TMEM192: variants seen among roughly 807,000 people sequenced by gnomAD.
TMEM192 encodes transmembrane protein 192.
TMEM192 carries 20 observed loss-of-function variants against 26.7 expected under a neutral mutation model. That is an observed-to-expected ratio of 0.75 (90% CI 0.53 to 1.09). The LOEUF (loss-of-function observed/expected upper bound fraction) is 1.09. Among genes scored for constraint, TMEM192 ranks in the 50% least tolerant of loss-of-function variants. The pLI is 0.00. For missense variants in TMEM192, 304 were observed against 322.6 expected (o/e 0.94, Z 0.44); for synonymous variants, 124 against 121.0 (o/e 1.02, Z -0.16).
At chr4:165,091,735 A>T (rs1734768932) in intron 3 of TMEM192, among the ~76,000 whole-genome samples, 1 of 152,206 alleles carries the variant, frequency 6.6e-6, no homozygotes, top group African/African-American at 2.4e-5. Context: ...ACTATATAAA[A>T]ACCTGGACTT....
chr4:165,102,985 T>C lies in TMEM192; in HGVS notation c.139A>G (p.Thr47Ala), dbSNP rs1423311295. The C allele has an allele frequency of 6.2e-7, 1 of 1,613,144 alleles. No individual in the cohort carries two copies. The highest frequency in any genetic ancestry group is 8.5e-7 in the Non-Finnish European group (1 of 1,179,558). The change falls in exon 2 of 6, where the codon ACA becomes GCA. Residue 47 changes from threonine to alanine, a missense_variant. Thr to Ala is a moderately conservative substitution (Grantham distance 58). Transcript: ENST00000306480. ...CACAGAAGATTCACTATGATGACTG[T>C]AGGAAGAGGATGGAATCGGGGTCTA... Reference protein sequence around the residue: ...HFRPRFHPLPTVIIVNLLWFI... With the variant: ...HFRPRFHPLPAVIIVNLLWFI...
chr4:165,112,724 G>A (rs1172766423), intron 1 of TMEM192, 23 bp downstream of exon 1: 4 of 1,608,398 alleles, frequency 2.5e-6, no homozygotes, highest in Non-Finnish European at 3.4e-6. Flanking sequence ...GGGGCCAACC[G>A]CCCGCCGCCT....
In TMEM192 at chr4:165,077,503, T is replaced by G. The variant is rs934724793; in HGVS notation, c.*2155A>C. On this transcript the variant is annotated 3_prime_UTR_variant, in exon 6 of 6. Transcript: ENST00000306480. ...GGCTCATGCCTGTAATCCCAACACT[T>G]TGGGAGGCCAAGGAGGGCGGATCAA... The G allele has an allele frequency of 2.4e-4, 37 of 152,204 alleles. No individual in the cohort carries two copies. Among genetic ancestry groups the G allele is most frequent in the African/African-American group, 8.7e-4 (36 of 41,506 alleles). 9.4% of individuals were successfully genotyped at this position (152,204 alleles called of 1,614,324 possible). A position where few individuals can be genotyped will look rare whatever the true frequency, so the allele number is the denominator to read the frequency against.
At chr4:165,098,145 AC>A (rs1348407245) in intron 3 of TMEM192, among the ~76,000 whole-genome samples, 1 of 149,364 alleles carries the variant, frequency 6.7e-6, no homozygotes, top group Non-Finnish European at 1.5e-5. Flanking sequence ...TTTTTTTTAG[AC>A]AGAGTTTCGC....
In TMEM192 at chr4:165,100,659, G is replaced by C. The variant is rs6536890; in HGVS notation, c.408C>G (p.Leu136=). The stretch of plus-strand genomic sequence containing the variant: ...ACTGTATCATCAACGCAAGTCTCTT[G>C]AGATGCCTTGTTGATCGGTAGATCA... ...YNLIYRSTRH[L]KRLALMIQSS... The change falls in exon 3 of 6, where the codon CTC becomes CTG. Residue 136 remains leucine, a synonymous_variant. Coordinates refer to ENST00000306480, the MANE Select transcript of TMEM192 (RefSeq NM_001100389.2). 0.24 allele frequency: 394,302 copies of C among 1,613,644 alleles called. 53,232 individuals are homozygous for C. The highest frequency in any genetic ancestry group is 0.57 in the African/African-American group (42,912 of 74,904).
chr4:165,106,109 T>C (rs1020210295), intron 1 of TMEM192, among the ~76,000 whole-genome samples: 1 of 152,214 alleles, frequency 6.6e-6, no homozygotes, highest in Non-Finnish European at 1.5e-5. Context: ...CTGTGGTCAA[T>C]ACATTTCTAT....
At chr4:165,087,909 TTTG>T (rs1560927682) in intron 4 of TMEM192, among the ~76,000 whole-genome samples, 1 of 152,220 alleles carries the variant, frequency 6.6e-6, no homozygotes, top group African/African-American at 2.4e-5. Context: ...TGTGGATGTT[TTTG>T]TTGTTGTTGT....
rs576322008 is a variant in TMEM192, at chr4:165,078,194, T to C, written c.*1464A>G. 3.9e-5 allele frequency: 6 copies of C among 152,312 alleles called. No individual in the cohort carries two copies. The highest frequency in any genetic ancestry group is 7.2e-5 in the African/African-American group (3 of 41,570). The allele number at this position is 152,312 out of a possible 1,614,324, so 9.4% of individuals were successfully genotyped here. A position where few individuals can be genotyped will look rare whatever the true frequency, so the allele number is the denominator to read the frequency against. ...CAAATCAATATATCCCTTGCCTATA[T>C]AGTTATATCGAACACATCCCTATAT... is the stretch of plus-strand genomic sequence containing the variant. On this transcript the variant is annotated 3_prime_UTR_variant, in exon 6 of 6. Transcript: ENST00000306480.
chr4:165,074,590 G>A lies in TMEM192; in HGVS notation c.*5068C>T, dbSNP rs1369501913. ...GCCTCCTGAGTAGCTGGGATTACAGGTGCACTTCACTGCACCTGGCTATTT... is the reference window on the plus strand; with the variant it reads ...GCCTCCTGAGTAGCTGGGATTACAGATGCACTTCACTGCACCTGGCTATTT... On this transcript the variant is annotated 3_prime_UTR_variant, in exon 6 of 6. Coordinates refer to ENST00000306480, the MANE Select transcript of TMEM192 (RefSeq NM_001100389.2). 2.6e-5 allele frequency: 4 copies of A among 152,168 alleles called. No individual in the cohort carries two copies. Among genetic ancestry groups the A allele is most frequent in the African/African-American group, 4.8e-5 (2 of 41,386 alleles). 9.4% of individuals were successfully genotyped at this position (152,168 alleles called of 1,614,324 possible). A position where few individuals can be genotyped will look rare whatever the true frequency, so the allele number is the denominator to read the frequency against.
intron 3 of TMEM192, among the ~76,000 whole-genome samples, chr4:165,098,093 T>C (rs764950827): frequency 1.3e-5 from 2 of 151,774 alleles, no homozygotes; most frequent in Non-Finnish European, 2.9e-5. Flanking sequence ...AGTGCTGAGA[T>C]GCTAGCATTA....
chr4:165,091,299 G>A (rs959540403), intron 3 of TMEM192, among the ~76,000 whole-genome samples: 14 of 152,062 alleles, frequency 9.2e-5, no homozygotes, highest in Non-Finnish European at 4.4e-5. Flanking sequence ...GGGAAGCATG[G>A]TCTTTCAATT....
intron 3 of TMEM192, among the ~76,000 whole-genome samples, chr4:165,090,662 T>C (rs942292204): frequency 3.3e-5 from 5 of 151,948 alleles, no homozygotes; most frequent in Admixed American, 2.0e-4. Flanking sequence ...CCCAACACTT[T>C]GGGAGGCTGA....
chr4:165,085,232 C>A (rs1472076326), intron 5 of TMEM192, among the ~76,000 whole-genome samples: 1 of 149,028 alleles, frequency 6.7e-6, no homozygotes, highest in African/African-American at 2.5e-5. Flanking sequence ...AAGATCATGC[C>A]ACTGCACTCC....
At chr4:165,100,457 C>T (rs1471211098) in intron 3 of TMEM192, among the ~76,000 whole-genome samples, 171 bp downstream of exon 3, 2 of 152,102 alleles carry the variant, frequency 1.3e-5, no homozygotes, top group Non-Finnish European at 1.5e-5. Context: ...CGCACCCGGC[C>T]AAGAAAAGCT....
intron 1 of TMEM192, among the ~76,000 whole-genome samples, chr4:165,111,093 T>C (rs1330547081): frequency 6.6e-6 from 1 of 152,218 alleles, no homozygotes; most frequent in African/African-American, 2.4e-5. Context: ...AATTAATTTT[T>C]ATTTATTTTT....
chr4:165,086,009 A>C (rs1050965126), intron 4 of TMEM192, among the ~76,000 whole-genome samples: 3 of 152,214 alleles, frequency 2.0e-5, no homozygotes, highest in African/African-American at 7.2e-5. Context: ...GAAGTTGAGC[A>C]ACCAGCCAGC....
At chr4:165,103,332 G>C (rs1183823384) in intron 1 of TMEM192, among the ~76,000 whole-genome samples, 2 of 151,714 alleles carry the variant, frequency 1.3e-5, no homozygotes, top group Non-Finnish European at 2.9e-5. Context: ...GCCCAGGCTG[G>C]TCTTGTTTGT....
In TMEM192 at chr4:165,074,578, C is replaced by G. The variant is rs139564155; in HGVS notation, c.*5080G>C. 8,097 of 152,212 alleles carry G rather than the reference C, an allele frequency of 0.053. 308 individuals carry two copies. Among genetic ancestry groups the G allele is most frequent in the Non-Finnish European group, 0.082 (5,595 of 68,068 alleles). 9.4% of individuals were successfully genotyped at this position (152,212 alleles called of 1,614,324 possible). On this transcript the variant is annotated 3_prime_UTR_variant, in exon 6 of 6. Coordinates refer to ENST00000306480, the MANE Select transcript of TMEM192 (RefSeq NM_001100389.2). The stretch of plus-strand genomic sequence containing the variant: ...TCTCCTGCCTCAGCCTCCTGAGTAG[C>G]TGGGATTACAGGTGCACTTCACTGC...
At chr4:165,087,883 C>G (rs1180912695) in intron 4 of TMEM192, among the ~76,000 whole-genome samples, 1 of 152,136 alleles carries the variant, frequency 6.6e-6, no homozygotes, top group African/African-American at 2.4e-5. Context: ...CAGCTGCCTT[C>G]AGAGAAGCAA....
Sources: allele counts gnomAD v4.1 joint callset (sites outside exome capture counted in the v4.1 genomes callset), GRCh38; gene constraint gnomAD v4.1.1; transcripts MANE v1.5; gene names NCBI Gene and HGNC (gene_info 2026-07-23, HGNC 2026-07-21).